Variants in ZNF423 observed in about 807,000 individuals in gnomAD.
ZNF423 encodes the protein zinc finger protein 423.
A neutral mutation model predicts 95.8 loss-of-function variants in ZNF423; 12 were observed. The observed-to-expected ratio is 0.13, with a 90% confidence interval of 0.08 to 0.20. ZNF423 has a LOEUF of 0.20. Among genes scored for constraint, ZNF423 ranks in the 10% least tolerant of loss-of-function variants. ZNF423 has a pLI of 1.00. For missense variants in ZNF423, 1,316 were observed against 1,737.1 expected (o/e 0.76, Z 4.31); for synonymous variants, 749 against 711.9 (o/e 1.05, Z -0.83).
At chr16:49,601,211 T>C (rs2151831090) in intron 5 of ZNF423, among the ~76,000 whole-genome samples, 1 of 152,274 alleles carries the variant, frequency 6.6e-6, no homozygotes, top group Admixed American at 6.5e-5. Flanking sequence ...GGCATGGTGG[T>C]GAGGCACACG....
intron 5 of ZNF423, among the ~76,000 whole-genome samples, chr16:49,541,579 C>T (rs1018042031): frequency 3.3e-5 from 5 of 152,174 alleles, no homozygotes; most frequent in Non-Finnish European, 7.4e-5. Context: ...GCTGGATTTT[C>T]TGGTTTTCCT....
intron 5 of ZNF423, 41 bp from the exon 6 acceptor site, chr16:49,525,535 A>G (rs776497569): frequency 5.0e-6 from 8 of 1,612,052 alleles, no homozygotes; most frequent in Non-Finnish European, 6.8e-6. Context: ...CCAGCATGCC[A>G]TGTCCCCCAG....
chr16:49,549,495 G>A (rs556775293), intron 5 of ZNF423, among the ~76,000 whole-genome samples: 8 of 152,326 alleles, frequency 5.3e-5, no homozygotes, highest in African/African-American at 1.4e-4. Context: ...CCAAAGAACG[G>A]AGGCACAGCA....
At chr16:49,680,249 T>C (rs1329016034) in intron 3 of ZNF423, among the ~76,000 whole-genome samples, 1 of 152,184 alleles carries the variant, frequency 6.6e-6, no homozygotes, top group Non-Finnish European at 1.5e-5. Flanking sequence ...GCTGGGCACT[T>C]GTTGGGCGAC....
At chr16:49,801,907 G>A (rs931546056) in intron 1 of ZNF423, among the ~76,000 whole-genome samples, 1 of 152,142 alleles carries the variant, frequency 6.6e-6, no homozygotes, top group Admixed American at 6.5e-5. Flanking sequence ...GGAGTGCGGT[G>A]GTGTGATCAG....
intron 5 of ZNF423, among the ~76,000 whole-genome samples, chr16:49,556,473 GC>G (rs1395399474): frequency 1.3e-5 from 2 of 152,126 alleles, no homozygotes; most frequent in Non-Finnish European, 2.9e-5. Flanking sequence ...GGAGATTTCT[GC>G]CCTATCAACT....
intron 5 of ZNF423, among the ~76,000 whole-genome samples, chr16:49,574,212 G>A (rs1420678): frequency 2.6e-5 from 4 of 152,066 alleles, no homozygotes; most frequent in East Asian, 3.9e-4. Flanking sequence ...AGTGGGACCC[G>A]CTGTCTACAC....
intron 5 of ZNF423, among the ~76,000 whole-genome samples, chr16:49,583,395 GA>G (rs1453919729): frequency 1.1e-4 from 16 of 152,122 alleles, no homozygotes; most frequent in Non-Finnish European, 1.8e-4. Flanking sequence ...CATAAGTGGG[GA>G]AAAAAAGTCA....
intron 5 of ZNF423, among the ~76,000 whole-genome samples, chr16:49,538,026 C>G (rs569931552): frequency 1.3e-5 from 2 of 152,350 alleles, no homozygotes; most frequent in South Asian, 4.1e-4. Context: ...ACCTGCCAAG[C>G]AGGTGCCTGC....
rs557236286 is a variant in ZNF423, at chr16:49,531,150, T to C, written c.3602-5656A>G. 2.1e-3 allele frequency among the ~76,000 whole-genome samples: 315 copies of C among 151,880 alleles called. 20 individuals are homozygous for C. In the South Asian group the frequency reaches 0.064, roughly 31 times the overall value. On this transcript the variant is annotated intron_variant, in intron 5 of 7. Coordinates refer to ENST00000563137, the MANE Select transcript of ZNF423 (RefSeq NM_001379286.1). Reference sequence around the variant, plus strand: ...AGGCTGCACCTCCTCTCTCCAAGAGTGTGTCTGCAGGTGGAAGCAAGGCAG... The same window carrying C: ...AGGCTGCACCTCCTCTCTCCAAGAGCGTGTCTGCAGGTGGAAGCAAGGCAG...
intron 5 of ZNF423, among the ~76,000 whole-genome samples, chr16:49,538,001 T>C (rs550022395): frequency 6.6e-6 from 1 of 152,320 alleles, no homozygotes; most frequent in Admixed American, 6.5e-5. Flanking sequence ...CTGTCTGCCC[T>C]TGGCTGTGCC....
intron 5 of ZNF423, among the ~76,000 whole-genome samples, chr16:49,610,726 G>A (rs139272969): frequency 2.0e-3 from 304 of 151,818 alleles, no homozygotes; most frequent in African/African-American, 6.2e-3. Flanking sequence ...GATGAAGATT[G>A]GCAGACTGGA....
chr16:49,835,292 G>A (rs2035105395), intron 1 of ZNF423, among the ~76,000 whole-genome samples: 7 of 152,194 alleles, frequency 4.6e-5, no homozygotes, highest in Admixed American at 4.6e-4. Flanking sequence ...TGGGGTCTGA[G>A]GAGGGTGGAG....
intron 1 of ZNF423, among the ~76,000 whole-genome samples, chr16:49,821,687 T>C (rs1242654346): frequency 6.6e-6 from 1 of 152,220 alleles, no homozygotes; most frequent in Non-Finnish European, 1.5e-5. Flanking sequence ...CCTTTGTCCC[T>C]GCCTGGCAGC....
At chr16:49,761,545 C>T (rs1400986268) in intron 2 of ZNF423, among the ~76,000 whole-genome samples, 2 of 152,204 alleles carry the variant, frequency 1.3e-5, no homozygotes, top group Non-Finnish European at 2.9e-5. Context: ...CAACTGAACT[C>T]ATTACCTCAC....
At chr16:49,752,039 C>T (rs1475929348) in intron 2 of ZNF423, among the ~76,000 whole-genome samples, 1 of 152,198 alleles carries the variant, frequency 6.6e-6, no homozygotes, top group African/African-American at 2.4e-5. Flanking sequence ...CCCTAGTGCC[C>T]ACCCCAGGCT....
At chr16:49,609,287 A>G (rs939251367) in intron 5 of ZNF423, among the ~76,000 whole-genome samples, 2 of 152,242 alleles carry the variant, frequency 1.3e-5, no homozygotes, top group Non-Finnish European at 2.9e-5. Flanking sequence ...CCACAGTGTC[A>G]TTATGTAATA....
rs747583543 is a variant in ZNF423, at chr16:49,636,092, G to A, written c.3084C>T (p.Phe1028=). The part of the protein sequence containing the change: ...HPDLRNSLTG[F]RCVVCMQTVT... ...CTGTCTGCATGCAGACCACACAGCG[G>A]AAGCCCGTGAGTGAGTTGCGCAGGT... Residue 1028 remains phenylalanine, a synonymous_variant, in exon 4 of 8, where the codon TTC becomes TTT. Transcript: ENST00000563137. The surrounding 1 kb of genome is among the most constrained non-coding windows in gnomAD (Gnocchi z 8.6). 5 of 1,613,890 alleles carry A rather than the reference G, an allele frequency of 3.1e-6. No homozygotes were observed. The highest frequency in any genetic ancestry group is 1.6e-4 in the Middle Eastern group (1 of 6,084).
chr16:49,710,159 G>A (rs781306987), intron 3 of ZNF423, among the ~76,000 whole-genome samples: 5 of 152,150 alleles, frequency 3.3e-5, no homozygotes, highest in East Asian at 1.9e-4. Context: ...TAGAGATAGC[G>A]AGCCAAAAGT....
Sources: gnomAD v4.1 joint callset for allele counts (sites outside exome capture counted in the v4.1 genomes callset) on GRCh38, gnomAD v4.1.1 for gene constraint, Gnocchi (gnomAD v3.1) non-coding constraint, MANE v1.5 for transcripts, NCBI Gene and HGNC (gene_info 2026-07-23, HGNC 2026-07-21) for gene names.